The following ADGRL3 variants were observed in gnomAD, a reference collection of about 807,000 sequenced individuals.
ADGRL3 encodes calcium-independent alpha-latrotoxin receptor 3.
In ADGRL3, 62 loss-of-function variants were observed where a neutral mutation model predicts 153.5. That is an observed-to-expected ratio of 0.40 (90% CI 0.33 to 0.50). The LOEUF (loss-of-function observed/expected upper bound fraction) is 0.50, where lower values mean the gene tolerates loss of function less well. Ranked by LOEUF, ADGRL3 falls within the 20% of genes least tolerant of loss-of-function variation. ADGRL3 has a pLI of 0.47. For missense variants in ADGRL3, 1,641 were observed against 1,859.4 expected, an observed-to-expected ratio of 0.88 and a Z score of 2.16; for synonymous variants, 710 against 672.5, an observed-to-expected ratio of 1.06 and a Z score of -0.86.
intron 1 of ADGRL3, among the ~76,000 whole-genome samples, chr4:61,349,805 G>C (rs532275899): frequency 6.6e-6 from 1 of 151,914 alleles, no homozygotes; most frequent in Non-Finnish European, 1.5e-5. Context: ...TTTATCCCTG[G>C]CTCCTAAAAT....
At chr4:61,314,859 A>G (rs770843860) in intron 1 of ADGRL3, among the ~76,000 whole-genome samples, 1 of 152,212 alleles carries the variant, frequency 6.6e-6, no homozygotes, top group Non-Finnish European at 1.5e-5. Context: ...CCAAGTGTCA[A>G]TAGTCTTGTG....
chr4:61,948,645 C>G (rs1417081139), intron 17 of ADGRL3, among the ~76,000 whole-genome samples: 9 of 152,052 alleles, frequency 5.9e-5, no homozygotes, highest in Admixed American at 5.9e-4. Flanking sequence ...GAATAAAGAG[C>G]TATGCATAGG....
At chr4:61,939,250 A>G (rs1315755364) in intron 15 of ADGRL3, among the ~76,000 whole-genome samples, 1 of 152,140 alleles carries the variant, frequency 6.6e-6, no homozygotes, top group Non-Finnish European at 1.5e-5. Context: ...TTGAGAAATA[A>G]TTTACATACA....
At chr4:61,856,995 T>C (rs1372482591) in intron 9 of ADGRL3, among the ~76,000 whole-genome samples, 48 of 140,538 alleles carry the variant, frequency 3.4e-4, no homozygotes, top group African/African-American at 1.3e-3. Context: ...TTTCTTTCTT[T>C]CTTTCTTTCT....
chr4:61,318,841 G>A (rs1347243267), intron 1 of ADGRL3, among the ~76,000 whole-genome samples: 3 of 152,036 alleles, frequency 2.0e-5, no homozygotes, highest in African/African-American at 7.2e-5. Flanking sequence ...TAATATTCCA[G>A]AGAATTTAAA....
chr4:61,687,645 A>T (rs1407109931), intron 6 of ADGRL3, among the ~76,000 whole-genome samples: 1 of 152,064 alleles, frequency 6.6e-6, no homozygotes, highest in Non-Finnish European at 1.5e-5. Context: ...AGGTCAAATT[A>T]GCATTTAGTA....
intron 1 of ADGRL3, among the ~76,000 whole-genome samples, chr4:61,235,108 A>T (rs1372460568): frequency 6.6e-6 from 1 of 152,164 alleles, no homozygotes; most frequent in African/African-American, 2.4e-5. Flanking sequence ...TAAGAAATAA[A>T]TGAGAAACGA....
At chr4:61,799,486 G>T (rs1420375678) in intron 8 of ADGRL3, among the ~76,000 whole-genome samples, 1 of 151,880 alleles carries the variant, frequency 6.6e-6, no homozygotes, top group East Asian at 1.9e-4. Flanking sequence ...ATTCTTCTAT[G>T]ACAGACCACA....
chr4:62,055,353 C>G (rs944117044), intron 25 of ADGRL3, among the ~76,000 whole-genome samples: 1 of 151,596 alleles, frequency 6.6e-6, no homozygotes, highest in African/African-American at 2.4e-5. Context: ...AATGGATTCC[C>G]AGTGAATGAA....
chr4:61,902,252 A>G (rs1346234375), intron 11 of ADGRL3, among the ~76,000 whole-genome samples: 10 of 152,148 alleles, frequency 6.6e-5, no homozygotes, highest in Admixed American at 3.3e-4. Context: ...TAGGAAAACC[A>G]GAAACCCAAG....
chr4:61,792,288 A>G (rs2097352460), intron 8 of ADGRL3, among the ~76,000 whole-genome samples: 1 of 152,116 alleles, frequency 6.6e-6, no homozygotes, highest in South Asian at 2.1e-4. Context: ...TCTCTAGGGC[A>G]GGGGCAAAAT....
At chr4:62,002,513 A>C (rs1224545786) in intron 21 of ADGRL3, among the ~76,000 whole-genome samples, 2 of 151,822 alleles carry the variant, frequency 1.3e-5, no homozygotes, top group Non-Finnish European at 2.9e-5. Context: ...TTAATAGAGA[A>C]CATTTAATTG....
chr4:61,246,258 C>T (rs576559019), intron 1 of ADGRL3, among the ~76,000 whole-genome samples: 38 of 152,072 alleles, frequency 2.5e-4, no homozygotes, highest in Admixed American at 1.4e-3. Flanking sequence ...AGCCCAAGTC[C>T]CTTATTACAT....
intron 2 of ADGRL3, among the ~76,000 whole-genome samples, chr4:61,433,567 A>T (rs1283810586): frequency 6.6e-6 from 1 of 152,110 alleles, no homozygotes; most frequent in Admixed American, 6.5e-5. Context: ...TAGGGAATAT[A>T]TTTGCATTTA....
chr4:61,255,406 T>C (rs1253884585), intron 1 of ADGRL3, among the ~76,000 whole-genome samples: 3 of 152,186 alleles, frequency 2.0e-5, no homozygotes, highest in Non-Finnish European at 4.4e-5. Context: ...CTCCGCTGTA[T>C]GGAGAAGACT....
At chr4:61,448,456 TTACCTATCTG>T (rs2097615810) in intron 2 of ADGRL3, among the ~76,000 whole-genome samples, 1 of 152,130 alleles carries the variant, frequency 6.6e-6, no homozygotes, top group Non-Finnish European at 1.5e-5. Flanking sequence ...GTTAGTTACT[TTACCTATCTG>T]TGCCCTAGTT....
chr4:61,810,862 C>A (rs768124287), intron 8 of ADGRL3, among the ~76,000 whole-genome samples: 2 of 152,094 alleles, frequency 1.3e-5, no homozygotes, highest in Non-Finnish European at 2.9e-5. Context: ...AAATTCTCTG[C>A]TTTATCTTTC....
At chr4:61,346,503 C>A (rs972572765) in intron 1 of ADGRL3, among the ~76,000 whole-genome samples, 1 of 151,668 alleles carries the variant, frequency 6.6e-6, no homozygotes, top group African/African-American at 2.4e-5. Flanking sequence ...GTGGCTCATG[C>A]CTGTAATGTC....
rs185770436 is a variant in ADGRL3 at position 62,058,784 on chromosome 4, A to G, written c.3815-9382A>G. Reference sequence around the variant, plus strand: ...CGCAGCTATTAGAAGGGAAGTTTACAAATCAGAAGCTGGTTGGAAGGAAGA... The same window carrying G: ...CGCAGCTATTAGAAGGGAAGTTTACGAATCAGAAGCTGGTTGGAAGGAAGA... On this transcript the variant is annotated intron_variant, in intron 25 of 26. Coordinates refer to ENST00000683033, the MANE Select transcript of ADGRL3 (RefSeq NM_001387552.1). Among the ~76,000 whole-genome samples, 3 of 152,280 alleles carry G rather than the reference A, an allele frequency of 2.0e-5. No individual in the cohort carries two copies. The East Asian group carries it at 5.8e-4, about 29-fold the overall frequency.
Sources: allele counts gnomAD v4.1 joint callset (sites outside exome capture counted in the v4.1 genomes callset), GRCh38; gene constraint gnomAD v4.1.1; transcripts MANE v1.5; gene names NCBI Gene and HGNC (gene_info 2026-07-23, HGNC 2026-07-21).